The following MSH3 variants were observed in gnomAD, a reference collection of about 807,000 sequenced individuals.
The protein encoded by MSH3 is mutS homolog 3, also known as DNA mismatch repair protein Msh3.
A neutral mutation model predicts 123.3 loss-of-function variants in MSH3; 106 were observed. The ratio of observed to expected loss-of-function variants is 0.86; its 90% CI spans 0.73 to 1.01. The LOEUF is 1.01. MSH3 is among the 50% of genes least tolerant of loss of function. The probability of loss-of-function intolerance (pLI) is 0.00; values close to 1 mark genes in which losing one functional copy is unlikely to be tolerated. For synonymous variants in MSH3, 515 were observed against 481.4 expected (o/e 1.07, Z -0.91); for missense variants, 1,459 against 1,347.6 (o/e 1.08, Z -1.29).
At chr5:80,663,295 G>A (rs1475832068) in intron 2 of MSH3, among the ~76,000 whole-genome samples, 1 of 152,232 alleles carries the variant, frequency 6.6e-6, no homozygotes, top group Non-Finnish European at 1.5e-5. Flanking sequence ...TAGAGTCACA[G>A]CAGGTTGTTT....
In MSH3 at chr5:80,873,267, AG is replaced by A. The variant is rs1746253718; in HGVS notation, c.3284del (p.Gly1095AspfsTer2). The A allele has an allele frequency of 6.2e-7, 1 of 1,613,852 alleles. No individual in the cohort carries two copies. Among genetic ancestry groups the A allele is most frequent in the Non-Finnish European group, 8.5e-7 (1 of 1,179,916 alleles). On this transcript the variant is annotated frameshift_variant, in exon 23 of 24. Coordinates refer to ENST00000265081, the MANE Select transcript of MSH3 (RefSeq NM_002439.5). LOFTEE classifies it low-confidence loss of function (END_TRUNC). Reference protein sequence around the residue: ...KAAHKSKELEGLINTKRKRLK... With the variant: ...KAAHKSKELEXLINTKRKRLK... ...CAGCTCACAAGTCAAAAGAGCTGGA[AG>A]GATTAATAAATACGAAAAGGTCAGA...
At chr5:80,743,060 G>GC (rs1743645629) in intron 11 of MSH3, among the ~76,000 whole-genome samples, 1 of 151,814 alleles carries the variant, frequency 6.6e-6, no homozygotes, top group South Asian at 2.1e-4. Flanking sequence ...CACCCCCACC[G>GC]CCCCTCGCCC....
chr5:80,793,709 AAAG>A (rs1201859769), intron 19 of MSH3, among the ~76,000 whole-genome samples: 1 of 152,184 alleles, frequency 6.6e-6, no homozygotes, highest in Non-Finnish European at 1.5e-5. Context: ...GAGTGTGAAC[AAAG>A]AAGTGTTCAG....
intron 14 of MSH3, among the ~76,000 whole-genome samples, chr5:80,768,467 T>C (rs1419835444): frequency 6.6e-6 from 1 of 152,162 alleles, no homozygotes; most frequent in Non-Finnish European, 1.5e-5. Flanking sequence ...TGTCTTTATA[T>C]TTAGAATCTG....
chr5:80,655,181 A>G (rs976601690), intron 1 of MSH3: 2 of 417,850 alleles, frequency 4.8e-6, no homozygotes, highest in Admixed American at 4.4e-5. Flanking sequence ...GGCAAAGGTT[A>G]TGCAGGTTTT....
intron 20 of MSH3, among the ~76,000 whole-genome samples, chr5:80,835,977 G>A (rs578062335): frequency 1.3e-5 from 2 of 151,844 alleles, no homozygotes; most frequent in East Asian, 3.9e-4. Flanking sequence ...ACAACAACCA[G>A]TTATATTACT....
chr5:80,758,693 A>G (rs1743973745), intron 12 of MSH3, among the ~76,000 whole-genome samples: 1 of 152,220 alleles, frequency 6.6e-6, no homozygotes, highest in South Asian at 2.1e-4. Context: ...ACTTGGCCTA[A>G]CCTTTCAAGT....
chr5:80,732,197 C>G (rs1359724792), intron 10 of MSH3, among the ~76,000 whole-genome samples: 1 of 152,048 alleles, frequency 6.6e-6, no homozygotes, highest in East Asian at 1.9e-4. Context: ...ACAGAATTAA[C>G]CTGATGCCTA....
intron 8 of MSH3, among the ~76,000 whole-genome samples, chr5:80,717,441 TA>T (rs1715273594): frequency 6.6e-6 from 1 of 152,088 alleles, no homozygotes; most frequent in African/African-American, 2.4e-5. Flanking sequence ...TAATTTATAT[TA>T]TTTTTTTTAG....
At chr5:80,666,418 G>T (rs757466221) in intron 3 of MSH3, among the ~76,000 whole-genome samples, 1 of 152,016 alleles carries the variant, frequency 6.6e-6, no homozygotes, top group Non-Finnish European at 1.5e-5. Context: ...CCAGATCCAT[G>T]AACTCCTCCC....
At chr5:80,866,527 G>A (rs1447214850) in intron 22 of MSH3, among the ~76,000 whole-genome samples, 5 of 152,130 alleles carry the variant, frequency 3.3e-5, no homozygotes, top group South Asian at 2.1e-4. Context: ...TTCAGTTCAC[G>A]TCCTTCCCCA....
At chr5:80,692,216 A>G (rs1365703135) in intron 8 of MSH3, among the ~76,000 whole-genome samples, 26 of 107,494 alleles carry the variant, frequency 2.4e-4, no homozygotes, top group African/African-American at 7.5e-4. Context: ...ATAAACATGT[A>G]TATGTTTAGA....
intron 2 of MSH3, among the ~76,000 whole-genome samples, chr5:80,664,833 A>AT (rs1749528180): frequency 6.6e-6 from 1 of 151,620 alleles, no homozygotes; most frequent in Non-Finnish European, 1.5e-5. Context: ...TAGATATCTC[A>AT]TTTGCAGTTG....
At chr5:80,812,224 G>T (rs866737698) in intron 19 of MSH3, among the ~76,000 whole-genome samples, 13 of 152,108 alleles carry the variant, frequency 8.5e-5, no homozygotes, top group Admixed American at 3.3e-4. Context: ...CTTTAGGGAT[G>T]GAACAGGTTT....
At chr5:80,685,949 G>C (rs1750078339) in intron 8 of MSH3, among the ~76,000 whole-genome samples, 1 of 152,058 alleles carries the variant, frequency 6.6e-6, no homozygotes, top group African/African-American at 2.4e-5. Context: ...CCATGTGTTT[G>C]TATAGTTTCC....
At chr5:80,768,361 G>A (rs1744160439) in intron 14 of MSH3, among the ~76,000 whole-genome samples, 1 of 152,076 alleles carries the variant, frequency 6.6e-6, no homozygotes, top group African/African-American at 2.4e-5. Flanking sequence ...ATCAGATGAT[G>A]GAAAGGTAAA....
intron 22 of MSH3, among the ~76,000 whole-genome samples, chr5:80,869,797 TATATATAC>T (rs1382361096): frequency 8.3e-4 from 106 of 128,108 alleles, no homozygotes; most frequent in Middle Eastern, 3.8e-3. Context: ...CATATATACA[TATATATAC>T]ATATATACAT....
At chr5:80,780,404 C>G (rs1479270623) in intron 17 of MSH3, among the ~76,000 whole-genome samples, 1 of 152,182 alleles carries the variant, frequency 6.6e-6, no homozygotes, top group Non-Finnish European at 1.5e-5. Context: ...ACCCAACTTA[C>G]AAATGAATAA....
chr5:80,835,447 T>C (rs908832968), intron 20 of MSH3, among the ~76,000 whole-genome samples: 6 of 151,962 alleles, frequency 3.9e-5, no homozygotes, highest in African/African-American at 4.8e-5. Flanking sequence ...CAAAGGCAGA[T>C]TGAATAAGCG....
Sources: allele counts gnomAD v4.1 joint callset (sites outside exome capture counted in the v4.1 genomes callset), GRCh38; gene constraint gnomAD v4.1.1; transcripts MANE v1.5; gene names NCBI Gene and HGNC (gene_info 2026-07-23, HGNC 2026-07-21).